The following CYP2B6 variants were observed in gnomAD, a reference collection of about 807,000 sequenced individuals.
The protein encoded by CYP2B6 is cytochrome P450 family 2 subfamily B member 6, also known as cytochrome P450 2B6.
CYP2B6 carries 35 observed loss-of-function variants against 43.4 expected under a neutral mutation model. The observed-to-expected ratio is 0.81, with a 90% CI of 0.62 to 1.07. The LOEUF is 1.07. Among genes scored for constraint, CYP2B6 ranks in the 50% least tolerant of loss-of-function variants. CYP2B6 has a pLI of 0.00. For synonymous variants in CYP2B6, 239 were observed against 239.2 expected, an observed-to-expected ratio of 1.00 and a Z score of 0.01; for missense variants, 624 against 632.8, an observed-to-expected ratio of 0.99 and a Z score of 0.15.
intron 8 of CYP2B6, among the ~76,000 whole-genome samples, chr19:41,014,561 T>C (rs1280818691): frequency 6.6e-6 from 1 of 152,154 alleles, no homozygotes; most frequent in African/African-American, 2.4e-5. Flanking sequence ...CACCTCAGTT[T>C]CTGAAAGTCC....
At chr19:41,002,611 T>A (rs557340481) in intron 1 of CYP2B6, among the ~76,000 whole-genome samples, 108 of 152,198 alleles carry the variant, frequency 7.1e-4, no homozygotes, top group African/African-American at 2.5e-3. Flanking sequence ...GCAGTGGCAC[T>A]ATCTCGCCTC....
At chr19:41,001,006 TC>T (rs1969076165) in intron 1 of CYP2B6, among the ~76,000 whole-genome samples, 1 of 151,776 alleles carries the variant, frequency 6.6e-6, no homozygotes, top group African/African-American at 2.4e-5. Context: ...ATCATTGCAC[TC>T]CATCATGGGC....
chr19:40,992,027 C>A (rs1308209927), intron 1 of CYP2B6, among the ~76,000 whole-genome samples: 1 of 151,924 alleles, frequency 6.6e-6, no homozygotes, highest in Non-Finnish European at 1.5e-5. Context: ...CATGGTGAAA[C>A]CTTGTCTCTA....
chr19:41,001,813 G>T (rs1969094104), intron 1 of CYP2B6, among the ~76,000 whole-genome samples: 1 of 152,262 alleles, frequency 6.6e-6, no homozygotes, highest in African/African-American at 2.4e-5. Context: ...GGCAGAGACA[G>T]ATAAGCAAAA....
At position 40,997,080 on chromosome 19, in the gene CYP2B6, A is replaced by C. The variant is rs1307071546; in HGVS notation, c.171+5604A>C. Among the ~76,000 whole-genome samples the C allele has an allele frequency of 4.6e-5, 7 of 152,056 alleles. No homozygotes were observed. In the East Asian group the frequency reaches 1.4e-3, roughly 29 times the overall value. ...TGGGTACCTGCCTGCCACTGAAAGA[A>C]TGAGGTAAAAGAGGTGGTGGCACGA... On this transcript the variant is annotated intron_variant, in intron 1 of 8. Coordinates refer to ENST00000324071, the MANE Select transcript of CYP2B6 (RefSeq NM_000767.5).
chr19:40,991,409 G>A lies in CYP2B6; in HGVS notation c.104G>A (p.Arg35His), dbSNP rs781365650. Reference sequence around the variant, plus strand: ...CATGACCGCCTCCCACCAGGGCCCCGCCCTCTGCCCCTTTTGGGAAACCTT... The same window carrying A: ...CATGACCGCCTCCCACCAGGGCCCCACCCTCTGCCCCTTTTGGGAAACCTT... ...NTHDRLPPGP[R>H]PLPLLGNLLQ... Residue 35 changes from arginine to histidine, a missense_variant, in exon 1 of 9, where the codon CGC becomes CAC. Transcript: ENST00000324071. 2.5e-5 allele frequency: 41 copies of A among 1,613,860 alleles called. 1 individual carries two copies. The highest frequency in any genetic ancestry group is 7.7e-5 in the South Asian group (7 of 91,076).
intron 7 of CYP2B6, 52 bp from the exon 8 acceptor site, chr19:41,012,622 T>TG: frequency 6.2e-7 from 1 of 1,612,812 alleles, no homozygotes; most frequent in South Asian, 1.1e-5. Flanking sequence ...GTGGAGTGTG[T>TG]GGAGGGTTGG....
At position 41,006,867 on chromosome 19, in the gene CYP2B6, A is replaced by C. The variant is rs372089988; in HGVS notation, c.485-38A>C. 1.6e-4 allele frequency: 262 copies of C among 1,602,300 alleles called. 1 individual carries two copies. Among genetic ancestry groups the C allele is most frequent in the African/African-American group, 1.5e-3 (110 of 74,384 alleles). ...GGTGACAGCCTGATGTTCCCCAGGC[A>C]CTTCAGTCTGTGTCCTTGACCTGCT... is the stretch of plus-strand genomic sequence containing the variant. On this transcript the variant is annotated intron_variant, in intron 3 of 8. Coordinates refer to ENST00000324071, the MANE Select transcript of CYP2B6 (RefSeq NM_000767.5).
intron 1 of CYP2B6, among the ~76,000 whole-genome samples, chr19:40,995,740 A>G (rs1968990485): frequency 6.6e-6 from 1 of 152,184 alleles, no homozygotes; most frequent in South Asian, 2.1e-4. Flanking sequence ...GATTGCCATC[A>G]ATCAATAATA....
At chr19:40,996,052 A>G (rs1269469418) in intron 1 of CYP2B6, among the ~76,000 whole-genome samples, 1 of 152,122 alleles carries the variant, frequency 6.6e-6, no homozygotes, top group Non-Finnish European at 1.5e-5. Context: ...ATGTCTTGCA[A>G]CCTAACCTTA....
At position 41,011,044 on chromosome 19, in the gene CYP2B6, G is replaced by C. The variant is rs1204789860; in HGVS notation, c.964+909G>C. 3.6e-5 allele frequency among the ~76,000 whole-genome samples: 5 copies of C among 137,340 alleles called. No individual in the cohort carries two copies. In the East Asian group the frequency reaches 1.0e-3, roughly 28 times the overall value. 90.1% of individuals were successfully genotyped at this position (137,340 alleles called of 152,430 possible). ...ACATATACTGTCATTCATTTATTTGGATTACTTGATCCACAAGTTGATCCT... is the reference window on the plus strand; with the variant it reads ...ACATATACTGTCATTCATTTATTTGCATTACTTGATCCACAAGTTGATCCT... On this transcript the variant is annotated intron_variant, in intron 6 of 8. Transcript: ENST00000324071.
chr19:41,002,586 C>T (rs1197876227), intron 1 of CYP2B6, among the ~76,000 whole-genome samples: 3 of 152,036 alleles, frequency 2.0e-5, no homozygotes, highest in African/African-American at 4.8e-5. Flanking sequence ...TTTGCTCTGT[C>T]GCCCAGGCTG....
rs1047698105 is a variant in CYP2B6, at chr19:41,011,314, A to T, written c.965-984A>T. On this transcript the variant is annotated intron_variant, in intron 6 of 8. Transcript: ENST00000324071. ...CTTTCATTTACTCCTTTATTTACTCATACTTCACTAATTTAATTATTCACT... is the reference window on the plus strand; with the variant it reads ...CTTTCATTTACTCCTTTATTTACTCTTACTTCACTAATTTAATTATTCACT... Among the ~76,000 whole-genome samples, 23 of 152,148 alleles carry T rather than the reference A, an allele frequency of 1.5e-4. 1 individual carries two copies. The highest frequency in any genetic ancestry group is 5.6e-4 in the African/African-American group (23 of 41,418).
chr19:41,011,969 G>T (rs1339684328), intron 6 of CYP2B6, among the ~76,000 whole-genome samples: 2 of 151,932 alleles, frequency 1.3e-5, no homozygotes, highest in Non-Finnish European at 2.9e-5. Context: ...TTTCTTTTGA[G>T]ATGGAGTCTT....
At position 41,012,723 on chromosome 19, in the gene CYP2B6, A is replaced by T. The variant is rs1969304985; in HGVS notation, c.1202A>T (p.Tyr401Phe). The T allele has an allele frequency of 1.2e-6, 2 of 1,613,982 alleles. No individual in the cohort carries two copies. The highest frequency in any genetic ancestry group is 2.2e-5 in the South Asian group (2 of 91,076). Reference sequence around the variant, plus strand: ...AGCACTGCTCTCCATGACCCACACTACTTTGAAAAACCAGACGCCTTCAAT... The same window carrying T: ...AGCACTGCTCTCCATGACCCACACTTCTTTGAAAAACCAGACGCCTTCAAT... ...ILSTALHDPH[Y>F]FEKPDAFNPD... The change falls in exon 8 of 9, where the codon TAC becomes TTC. Residue 401 changes from tyrosine to phenylalanine, a missense_variant. Coordinates refer to ENST00000324071, the MANE Select transcript of CYP2B6 (RefSeq NM_000767.5).
chr19:41,006,881 C>T (rs1395589123), intron 3 of CYP2B6, 24 bp from the exon 4 acceptor site: 2 of 1,610,998 alleles, frequency 1.2e-6, no homozygotes, highest in East Asian at 2.2e-5. Flanking sequence ...CAGTCTGTGT[C>T]CTTGACCTGC....
intron 3 of CYP2B6, 34 bp downstream of exon 3, chr19:41,004,480 A>C: frequency 1.2e-6 from 2 of 1,610,544 alleles, no homozygotes; most frequent in South Asian, 2.2e-5. Flanking sequence ...AAAGAAAGAC[A>C]ATGAAACACT....
At position 41,009,188 on chromosome 19, in the gene CYP2B6, G is replaced by A. The variant is rs765842389; in HGVS notation, c.646-31G>A. On this transcript the variant is annotated intron_variant, in intron 4 of 8. Coordinates refer to ENST00000324071, the MANE Select transcript of CYP2B6 (RefSeq NM_000767.5). ...CCTGTGACCTGCTAGCTCAGCCCTA[G>A]GCAAACCTCACCACCCCTTCTTTCT... 4.4e-6 allele frequency: 7 copies of A among 1,597,806 alleles called. No homozygotes were observed. In the East Asian group the frequency reaches 1.1e-4, roughly 25 times the overall value.
rs2144656658 is a variant in CYP2B6, at chr19:40,993,642, A to C, written c.171+2166A>C. 1.3e-5 allele frequency among the ~76,000 whole-genome samples: 2 copies of C among 152,254 alleles called. 1 individual carries two copies. The highest frequency in any genetic ancestry group is 4.1e-4 in the South Asian group (2 of 4,824). The stretch of plus-strand genomic sequence containing the variant: ...TTCAAGATGAGATTTGGGTGAGGAC[A>C]CAGAGCCAAACCATATCACTTACCA... On this transcript the variant is annotated intron_variant, in intron 1 of 8. Coordinates refer to ENST00000324071, the MANE Select transcript of CYP2B6 (RefSeq NM_000767.5).
Sources: gnomAD v4.1 joint callset for allele counts (sites outside exome capture counted in the v4.1 genomes callset) on GRCh38, gnomAD v4.1.1 for gene constraint, MANE v1.5 for transcripts, NCBI Gene and HGNC (gene_info 2026-07-23, HGNC 2026-07-21) for gene names.